The following PRDM16 variants were observed in gnomAD, a reference collection of about 807,000 sequenced individuals.
PRDM16 encodes the protein histone-lysine N-methyltransferase PRDM16.
A neutral mutation model predicts 110.6 loss-of-function variants in PRDM16; 23 were observed. The observed-to-expected ratio is 0.21, with a 90% CI of 0.15 to 0.29. The LOEUF is 0.29. PRDM16 is among the 10% of genes least tolerant of loss of function. The pLI, the probability that PRDM16 is intolerant of heterozygous loss-of-function variation, is 1.00. For synonymous variants in PRDM16, 799 were observed against 781.8 expected, an observed-to-expected ratio of 1.02 and a Z score of -0.37; for missense variants, 1,615 against 1,794.3, an observed-to-expected ratio of 0.90 and a Z score of 1.81.
intron 3 of PRDM16, among the ~76,000 whole-genome samples, chr1:3,321,761 T>C (rs556031292): frequency 4.9e-4 from 73 of 149,342 alleles, no homozygotes; most frequent in Non-Finnish European, 8.9e-4. Flanking sequence ...CAATGTGTGT[T>C]TGTGTATGTG....
At chr1:3,292,662 C>T (rs12405511) in intron 3 of PRDM16, among the ~76,000 whole-genome samples, 16,347 of 152,124 alleles carry the variant, frequency 0.11, 1,004 homozygotes, top group Middle Eastern at 0.17. Context: ...GGCCAGATAG[C>T]GAGGGAACCC....
intron 1 of PRDM16, among the ~76,000 whole-genome samples, chr1:3,147,021 CGT>C (rs1343990913): frequency 1.0e-5 from 1 of 96,956 alleles, no homozygotes; most frequent in Non-Finnish European, 1.9e-5. Context: ...GGTATGCGCA[CGT>C]GTGTGCTCGG....
At chr1:3,395,240 G>C (rs949913599) in intron 4 of PRDM16, among the ~76,000 whole-genome samples, 1 of 152,094 alleles carries the variant, frequency 6.6e-6, no homozygotes, top group African/African-American at 2.4e-5. Flanking sequence ...GGGGTGCCCA[G>C]CTGTGTCCAG....
At chr1:3,314,946 G>T (rs1452238265) in intron 3 of PRDM16, among the ~76,000 whole-genome samples, 2 of 152,068 alleles carry the variant, frequency 1.3e-5, no homozygotes, top group Non-Finnish European at 2.9e-5. Flanking sequence ...CATCACACAG[G>T]AAGAGAAATG....
chr1:3,100,077 A>G lies in PRDM16; in HGVS notation c.37+30781A>G, dbSNP rs369301918. Among the ~76,000 whole-genome samples the G allele has an allele frequency of 3.9e-5, 6 of 152,216 alleles. No homozygotes were observed. In the South Asian group the frequency reaches 1.0e-3, roughly 26 times the overall value. The stretch of plus-strand genomic sequence containing the variant: ...TCTGAGGGGCGTGGAGAGGCCCGGC[A>G]CTGCCCTGTGGGTCTCTGACAGGTG... On this transcript the variant is annotated intron_variant, in intron 1 of 16. Coordinates refer to ENST00000270722, the MANE Select transcript of PRDM16 (RefSeq NM_022114.4).
At chr1:3,181,848 G>A (rs1052072786) in intron 1 of PRDM16, among the ~76,000 whole-genome samples, 93 of 83,238 alleles carry the variant, frequency 1.1e-3, no homozygotes, top group Non-Finnish European at 1.6e-3. Context: ...TCTTACACAC[G>A]GTCTTACACA....
chr1:3,326,612 C>G lies in PRDM16; in HGVS notation c.439-58540C>G, dbSNP rs558924170. 7.0e-3 allele frequency among the ~76,000 whole-genome samples: 1,072 copies of G among 152,296 alleles called. 8 individuals carry two copies. Among genetic ancestry groups the G allele is most frequent in the Non-Finnish European group, 0.012 (805 of 68,018 alleles). Reference sequence around the variant, plus strand: ...TCAGGATGACCGCCCGCACCCAGCCCTATGCCCATTTTCATGAGTGCACCA... The same window carrying G: ...TCAGGATGACCGCCCGCACCCAGCCGTATGCCCATTTTCATGAGTGCACCA... On this transcript the variant is annotated intron_variant, in intron 3 of 16. Coordinates refer to ENST00000270722, the MANE Select transcript of PRDM16 (RefSeq NM_022114.4).
At chr1:3,394,367 C>CG (rs55873294) in intron 4 of PRDM16, 43 of 441,760 alleles carry the variant, frequency 9.7e-5, no homozygotes, top group African/African-American at 1.4e-4. Context: ...AGGAGGGCCG[C>CG]CCAGCCCCCG....
intron 1 of PRDM16, among the ~76,000 whole-genome samples, chr1:3,122,841 T>C (rs963766049): frequency 6.6e-6 from 1 of 152,214 alleles, no homozygotes; most frequent in Non-Finnish European, 1.5e-5. Flanking sequence ...TGTAGGGCTC[T>C]AGGGAGGCGG....
rs565029325 is a variant in PRDM16 at position 3,074,560 on chromosome 1, G to GCTGGATTCCTGCTTTGCCGGGT, written c.37+5269_37+5270insTTCCTGCTTTGCCGGGTCTGGA. Among the ~76,000 whole-genome samples, 669 of 152,304 alleles carry GCTGGATTCCTGCTTTGCCGGGT rather than the reference G, an allele frequency of 4.4e-3. 4 individuals are homozygous for GCTGGATTCCTGCTTTGCCGGGT. The highest frequency in any genetic ancestry group is 0.015 in the African/African-American group (615 of 41,560). On this transcript the variant is annotated intron_variant, in intron 1 of 16. Coordinates refer to ENST00000270722, the MANE Select transcript of PRDM16 (RefSeq NM_022114.4). The stretch of plus-strand genomic sequence containing the variant: ...CGTGTAAGTGACCTCACACCTGCAG[G>GCTGGATTCCTGCTTTGCCGGGT]CTGGACTCCCGCTGGGCTCCGTCCC...
chr1:3,324,425 G>A (rs577112526), intron 3 of PRDM16, among the ~76,000 whole-genome samples: 4 of 152,244 alleles, frequency 2.6e-5, no homozygotes, highest in Admixed American at 6.5e-5. Context: ...CACACTCCCC[G>A]CGATGCTCCT....
intron 1 of PRDM16, among the ~76,000 whole-genome samples, chr1:3,130,619 G>A (rs1643312944): frequency 1.3e-5 from 2 of 152,094 alleles, no homozygotes; most frequent in Admixed American, 6.5e-5. Context: ...TGCGCCCCAC[G>A]CACAGCTCTG....
intron 3 of PRDM16, among the ~76,000 whole-genome samples, chr1:3,299,445 G>A (rs886300998): frequency 2.8e-5 from 3 of 107,340 alleles, no homozygotes; most frequent in African/African-American, 9.1e-5. Flanking sequence ...TCCCAGTCGT[G>A]GTGACTCTGC....
intron 2 of PRDM16, among the ~76,000 whole-genome samples, chr1:3,226,324 C>G (rs1293971657): frequency 6.6e-6 from 1 of 152,200 alleles, no homozygotes; most frequent in African/African-American, 2.4e-5. Flanking sequence ...GTCATTCAGA[C>G]AGGACCTGAG....
At chr1:3,422,902 C>T (rs1369977226) in intron 12 of PRDM16, among the ~76,000 whole-genome samples, 21 of 152,204 alleles carry the variant, frequency 1.4e-4, no homozygotes, top group South Asian at 4.1e-4. Context: ...TCAGCTGACC[C>T]GGGCAGGAGC....
chr1:3,354,694 C>G (rs1269393428), intron 3 of PRDM16, among the ~76,000 whole-genome samples: 1 of 152,150 alleles, frequency 6.6e-6, no homozygotes, highest in Non-Finnish European at 1.5e-5. Context: ...GGATAATTTC[C>G]TTTCCTCTTC....
chr1:3,414,862 G>C (rs1643754040), intron 10 of PRDM16, among the ~76,000 whole-genome samples: 2 of 152,114 alleles, frequency 1.3e-5, no homozygotes, highest in Admixed American at 6.5e-5. Flanking sequence ...ACCCTCACAG[G>C]GCCACCCCAG....
chr1:3,130,529 CT>C (rs1382329678), intron 1 of PRDM16, among the ~76,000 whole-genome samples: 2 of 152,206 alleles, frequency 1.3e-5, no homozygotes, highest in Admixed American at 6.5e-5. Flanking sequence ...GGGCTGCCCC[CT>C]GTCTATAGGT....
intron 12 of PRDM16, among the ~76,000 whole-genome samples, chr1:3,420,367 C>G (rs949537851): frequency 2.0e-5 from 3 of 152,200 alleles, no homozygotes; most frequent in African/African-American, 7.2e-5. Context: ...AGGAGCTCAA[C>G]CCCCCATGCC....
Sources: allele counts gnomAD v4.1 joint callset (sites outside exome capture counted in the v4.1 genomes callset), GRCh38; gene constraint gnomAD v4.1.1; transcripts MANE v1.5; gene names NCBI Gene and HGNC (gene_info 2026-07-23, HGNC 2026-07-21).